Variants in PEX11G observed in about 807,000 individuals in gnomAD.
PEX11G encodes peroxisomal biogenesis factor 11 gamma, also known as peroxisomal membrane protein 11C.
A neutral mutation model predicts 22.5 loss-of-function variants in PEX11G; 20 were observed. The ratio of observed to expected loss-of-function variants is 0.89; its 90% confidence interval spans 0.62 to 1.29. The LOEUF (loss-of-function observed/expected upper bound fraction) is 1.29, where lower values mean the gene tolerates loss of function less well. Among genes scored for constraint, PEX11G ranks in the 50% most tolerant of loss-of-function variants. PEX11G has a pLI of 0.00. For synonymous variants in PEX11G, 141 were observed against 154.5 expected (o/e 0.91, Z 0.65); for missense variants, 347 against 331.3 (o/e 1.05, Z -0.37).
chr19:7,488,894 GTC>G, intron 1 of PEX11G, 55 bp downstream of exon 1: 1 of 1,526,284 alleles, frequency 6.6e-7, no homozygotes, highest in Non-Finnish European at 8.9e-7. Flanking sequence ...CCGTTTCCCA[GTC>G]TCTGAGCTTG....
intron 1 of PEX11G, among the ~76,000 whole-genome samples, chr19:7,494,165 C>A (rs2021937509): frequency 4.6e-5 from 7 of 152,182 alleles, no homozygotes; most frequent in Admixed American, 2.0e-4. Context: ...TCTCAGCCTC[C>A]TAAAGTGCTG....
rs1164538917 is a variant in PEX11G at position 7,486,037 on chromosome 19, C to A, written c.61-11G>T. 4 of 1,577,222 alleles carry A rather than the reference C, an allele frequency of 2.5e-6. No homozygotes were observed. Among genetic ancestry groups the A allele is most frequent in the Non-Finnish European group, 3.5e-6 (4 of 1,154,592 alleles). On this transcript the variant is annotated splice_polypyrimidine_tract_variant and intron_variant, in intron 1 of 4. Coordinates refer to ENST00000221480, the MANE Select transcript of PEX11G (RefSeq NM_080662.4). ...CCCCAGCACTCGGATCTGTGGGAAA[C>A]CAGAAGCAGTCAGTGTGGCCCTCCT...
intron 3 of PEX11G, among the ~76,000 whole-genome samples, chr19:7,481,449 G>A (rs530879408): frequency 1.4e-4 from 21 of 152,284 alleles, no homozygotes; most frequent in Non-Finnish European, 2.2e-4. Context: ...TGATCCACCC[G>A]CCTTGGCCTC....
At chr19:7,481,888 A>C (rs1437045327) in intron 3 of PEX11G, 145 bp downstream of exon 3, 1 of 811,492 alleles carries the variant, frequency 1.2e-6, no homozygotes, top group Non-Finnish European at 1.8e-6. Flanking sequence ...CAAAAGGAAG[A>C]AACAACAAAA....
upstream of PEX11G, among the ~76,000 whole-genome samples, chr19:7,490,136 G>A (rs2021846207): frequency 6.6e-6 from 1 of 152,066 alleles, no homozygotes; most frequent in Non-Finnish European, 1.5e-5. Flanking sequence ...GGGATTACAA[G>A]CGTGAGCCAC....
chr19:7,489,490 A>G (rs2021826573), upstream of PEX11G: 12 of 988,648 alleles, frequency 1.2e-5, no homozygotes, highest in Non-Finnish European at 1.2e-5. Context: ...GAAAGACGTT[A>G]TCTTTGGACG....
At chr19:7,483,975 G>A (rs1977627912) in intron 2 of PEX11G, among the ~76,000 whole-genome samples, 1 of 150,176 alleles carries the variant, frequency 6.7e-6, no homozygotes, top group Admixed American at 6.6e-5. Context: ...TGCCCTGTGC[G>A]TCAACCAGAG....
At chr19:7,489,357 G>C, upstream of PEX11G, 1 of 1,087,542 alleles carries the variant, frequency 9.2e-7, no homozygotes, top group Non-Finnish European at 1.1e-6. Context: ...CCTGTTCGCA[G>C]TGGTTCAAGG....
At chr19:7,483,969 C>T (rs749632149) in intron 2 of PEX11G, among the ~76,000 whole-genome samples, 6 of 151,144 alleles carry the variant, frequency 4.0e-5, no homozygotes, top group Non-Finnish European at 8.9e-5. Context: ...AATCATTGCC[C>T]TGTGCGTCAA....
chr19:7,484,138 T>A (rs1977638377), intron 2 of PEX11G, among the ~76,000 whole-genome samples: 1 of 152,050 alleles, frequency 6.6e-6, no homozygotes, highest in Admixed American at 6.5e-5. Context: ...GTGGATCACT[T>A]GAGCCCAGGA....
chr19:7,485,172 T>C (rs1003858485), intron 2 of PEX11G, among the ~76,000 whole-genome samples: 1 of 152,032 alleles, frequency 6.6e-6, no homozygotes, highest in African/African-American at 2.4e-5. Context: ...AAAATTTTTT[T>C]TGTTTGTTTT....
intron 1 of PEX11G, among the ~76,000 whole-genome samples, chr19:7,494,437 G>A (rs2021942540): frequency 6.6e-6 from 1 of 152,198 alleles, no homozygotes; most frequent in South Asian, 2.1e-4. Flanking sequence ...CAGACATGCA[G>A]AGGAAAGAGG....
At position 7,478,393 on chromosome 19, in the gene PEX11G, CGAGGGAGGATGCCCCGGCGGG is replaced by C; in HGVS notation, c.429-38_429-18del. ...CACAGGGACCTGCAGCACCAGAGCC[CGAGGGAGGATGCCCCGGCGGG>C]GAGCAGGAGGGTTAGCTCCACAACG... On this transcript the variant is annotated intron_variant, in intron 3 of 4. Coordinates refer to ENST00000221480, the MANE Select transcript of PEX11G (RefSeq NM_080662.4). The C allele has an allele frequency of 6.2e-7, 1 of 1,603,858 alleles. No individual in the cohort carries two copies. Among genetic ancestry groups the C allele is most frequent in the African/African-American group, 1.3e-5 (1 of 74,942 alleles).
chr19:7,482,788 C>A (rs1456425591), intron 2 of PEX11G, among the ~76,000 whole-genome samples: 1 of 152,238 alleles, frequency 6.6e-6, no homozygotes, highest in East Asian at 1.9e-4. Flanking sequence ...TGCGGCAAGG[C>A]TCATGGCCTC....
At chr19:7,491,368 C>G (rs1322582341), upstream of PEX11G, among the ~76,000 whole-genome samples, 3 of 146,276 alleles carry the variant, frequency 2.1e-5, no homozygotes, top group African/African-American at 7.6e-5. Flanking sequence ...CTCCCAAGTT[C>G]AAGCAATTCT....
intron 2 of PEX11G, among the ~76,000 whole-genome samples, chr19:7,482,628 G>T (rs1189214886): frequency 2.6e-5 from 4 of 152,220 alleles, no homozygotes; most frequent in Non-Finnish European, 4.4e-5. Context: ...CCTTCCCAAA[G>T]GCTTCCAGTT....
At chr19:7,490,642 ATTTTT>A (rs749165168), upstream of PEX11G, among the ~76,000 whole-genome samples, 1,532 of 54,938 alleles carry the variant, frequency 0.028, 12 homozygotes, top group African/African-American at 0.085. Flanking sequence ...CCTGGCCTCT[ATTTTT>A]TTTTTTTTTT....
upstream of PEX11G, among the ~76,000 whole-genome samples, chr19:7,490,206 A>G (rs10402951): frequency 0.42 from 63,526 of 151,982 alleles, 15,021 homozygotes; most frequent in African/African-American, 0.66. Context: ...ATTTGCTGCT[A>G]TATGTTGAAG....
chr19:7,489,032 C>A lies in PEX11G; in HGVS notation c.-22G>T. 6.7e-7 allele frequency: 1 copy of A among 1,499,330 alleles called. No homozygotes were observed. Among genetic ancestry groups the A allele is most frequent in the Non-Finnish European group, 8.8e-7 (1 of 1,130,436 alleles). The allele number at this position is 1,499,330 out of a possible 1,614,324, so 92.9% of individuals were successfully genotyped here. A position where few individuals can be genotyped will look rare whatever the true frequency, so the allele number is the denominator to read the frequency against. On this transcript the variant is annotated 5_prime_UTR_variant, in exon 1 of 5. Transcript: ENST00000221480. ...CCATGGCAACTCCGTGACGTCACCGCGACGTCGGCGCGCCGCGCCAGGGGG... is the reference window on the plus strand; with the variant it reads ...CCATGGCAACTCCGTGACGTCACCGAGACGTCGGCGCGCCGCGCCAGGGGG...
Sources: allele counts gnomAD v4.1 joint callset (sites outside exome capture counted in the v4.1 genomes callset), GRCh38; gene constraint gnomAD v4.1.1; transcripts MANE v1.5; gene names NCBI Gene and HGNC (gene_info 2026-07-23, HGNC 2026-07-21).